LRRIQ3: variants seen among roughly 807,000 people sequenced by gnomAD.
The protein encoded by LRRIQ3 is leucine rich repeats and IQ motif containing 3, also known as leucine-rich repeat and IQ domain-containing protein 3.
A neutral mutation model predicts 59.3 loss-of-function variants in LRRIQ3; 75 were observed. The observed-to-expected ratio is 1.26, with a 90% confidence interval of 1.05 to 1.53. The LOEUF (loss-of-function observed/expected upper bound fraction) is 1.53. Ranked by LOEUF, LRRIQ3 falls within the 40% of genes most tolerant of loss-of-function variation. The pLI is 0.00. For missense variants in LRRIQ3, 831 were observed against 710.0 expected, an observed-to-expected ratio of 1.17 and a Z score of -1.94; for synonymous variants, 250 against 231.3, an observed-to-expected ratio of 1.08 and a Z score of -0.73.
At chr1:74,109,951 A>C in intron 4 of LRRIQ3, among the ~76,000 whole-genome samples, 1 of 151,924 alleles carries the variant, frequency 6.6e-6, no homozygotes, top group East Asian at 1.9e-4. Context: ...ACTATATCAC[A>C]AAAATTATAT....
At chr1:74,054,781 TATAA>T (rs1224102971) in intron 6 of LRRIQ3, among the ~76,000 whole-genome samples, 2 of 147,490 alleles carry the variant, frequency 1.4e-5, no homozygotes, top group Non-Finnish European at 1.5e-5. Context: ...TACACATACA[TATAA>T]ATACACACAT....
chr1:74,183,819 A>C (rs1286838984), intron 1 of LRRIQ3, 135 bp from the exon 2 acceptor site: 2 of 671,282 alleles, frequency 3.0e-6, no homozygotes, highest in Non-Finnish European at 4.5e-6. Context: ...ACTCATTCTT[A>C]TAGAACTTTC....
intron 5 of LRRIQ3, among the ~76,000 whole-genome samples, chr1:74,089,751 T>A (rs1465763177): frequency 1.3e-5 from 2 of 152,078 alleles, no homozygotes; most frequent in African/African-American, 2.4e-5. Flanking sequence ...TAATTAGTGA[T>A]GATCGTTTCA....
chr1:74,170,450 C>T (rs1209827439), intron 3 of LRRIQ3, among the ~76,000 whole-genome samples: 4 of 152,070 alleles, frequency 2.6e-5, no homozygotes, highest in Admixed American at 1.3e-4. Context: ...ATTCTTGGCA[C>T]CCTTGCTGAA....
rs1304729798 is a variant in LRRIQ3 at position 74,065,974 on chromosome 1, G to C, written c.997+8687C>G. On this transcript the variant is annotated intron_variant, in intron 6 of 7. Coordinates refer to ENST00000354431, the MANE Select transcript of LRRIQ3 (RefSeq NM_001105659.2). ...GGCCGAGGTGAGTGAATCACCCGAG[G>C]TGAGGAGTTTGAGACCAACCTGACC... Among the ~76,000 whole-genome samples the C allele has an allele frequency of 4.6e-5, 7 of 152,080 alleles. No individual in the cohort carries two copies. The South Asian group carries it at 1.5e-3, about 32-fold the overall frequency.
At chr1:74,050,335 T>C (rs1033217636) in intron 6 of LRRIQ3, among the ~76,000 whole-genome samples, 13 of 152,296 alleles carry the variant, frequency 8.5e-5, no homozygotes, top group South Asian at 8.3e-4. Flanking sequence ...AAATGGCTTG[T>C]TTTAGATATA....
chr1:74,045,963 C>A (rs1654190540), intron 6 of LRRIQ3, among the ~76,000 whole-genome samples: 1 of 152,040 alleles, frequency 6.6e-6, no homozygotes, highest in East Asian at 1.9e-4. Context: ...AGAGAGGACA[C>A]AAACAAACGG....
intron 4 of LRRIQ3, among the ~76,000 whole-genome samples, chr1:74,136,056 A>G (rs1369819697): frequency 6.6e-6 from 1 of 151,964 alleles, no homozygotes; most frequent in Non-Finnish European, 1.5e-5. Context: ...CCACATTACT[A>G]ATGACCTTAC....
intron 7 of LRRIQ3, among the ~76,000 whole-genome samples, chr1:74,028,265 G>A (rs1165681991): frequency 6.6e-6 from 1 of 151,852 alleles, no homozygotes; most frequent in Non-Finnish European, 1.5e-5. Flanking sequence ...AAGTTGAGGA[G>A]AAAAAGAGAG....
chr1:74,118,119 CT>C (rs559909122), intron 4 of LRRIQ3, among the ~76,000 whole-genome samples: 11 of 151,956 alleles, frequency 7.2e-5, no homozygotes, highest in East Asian at 3.9e-4. Context: ...ATAACATACC[CT>C]TTTTTGTAAA....
chr1:74,180,780 A>G (rs1649929227), intron 3 of LRRIQ3: 2 of 1,550,126 alleles, frequency 1.3e-6, no homozygotes, highest in African/African-American at 1.4e-5. Context: ...CTCCTGTAAA[A>G]TAAGACTAAC....
chr1:74,063,509 C>A (rs1408989636), intron 6 of LRRIQ3, among the ~76,000 whole-genome samples: 3 of 152,008 alleles, frequency 2.0e-5, no homozygotes, highest in Non-Finnish European at 4.4e-5. Context: ...CTTATTGTTG[C>A]ATTGTCTATT....
At chr1:74,042,349 G>T (rs766129587) in intron 6 of LRRIQ3, among the ~76,000 whole-genome samples, 1 of 152,058 alleles carries the variant, frequency 6.6e-6, no homozygotes, top group Non-Finnish European at 1.5e-5. Context: ...AAAACTCTGC[G>T]TAATAAATGA....
At chr1:74,086,914 A>T (rs17094861) in intron 5 of LRRIQ3, among the ~76,000 whole-genome samples, 5,093 of 152,154 alleles carry the variant, frequency 0.033, 305 homozygotes, top group African/African-American at 0.12. Context: ...TTTCTACACT[A>T]TCTTGTCATC....
At position 74,139,001 on chromosome 1, in the gene LRRIQ3, C is replaced by T. The variant is rs574449942; in HGVS notation, c.707+16732G>A. ...CCAGACCGAACAACATAACAAGACC[C>T]TGTCTCTACAAAAAATAAAGAAATA... On this transcript the variant is annotated intron_variant, in intron 4 of 7. Coordinates refer to ENST00000354431, the MANE Select transcript of LRRIQ3 (RefSeq NM_001105659.2). Among the ~76,000 whole-genome samples the T allele has an allele frequency of 6.6e-5, 10 of 151,168 alleles. No homozygotes were observed. The East Asian group carries it at 2.0e-3, about 30-fold the overall frequency.
chr1:74,133,856 A>T (rs1235838605), intron 4 of LRRIQ3, among the ~76,000 whole-genome samples: 1 of 151,962 alleles, frequency 6.6e-6, no homozygotes, highest in African/African-American at 2.4e-5. Flanking sequence ...AACTTAAAGT[A>T]TAATAATAAA....
intron 6 of LRRIQ3, among the ~76,000 whole-genome samples, chr1:74,047,708 A>G (rs1175912931): frequency 1.3e-5 from 2 of 151,998 alleles, no homozygotes; most frequent in Non-Finnish European, 2.9e-5. Flanking sequence ...ACAGACACCA[A>G]ATTTGTTGGT....
At chr1:74,080,168 C>G (rs1025874920) in intron 5 of LRRIQ3, among the ~76,000 whole-genome samples, 1 of 150,248 alleles carries the variant, frequency 6.7e-6, no homozygotes, top group East Asian at 1.9e-4. Context: ...ATATCACACA[C>G]AAAAAAAACC....
intron 5 of LRRIQ3, among the ~76,000 whole-genome samples, chr1:74,100,076 G>C (rs1646508228): frequency 6.6e-6 from 1 of 152,112 alleles, no homozygotes; most frequent in Non-Finnish European, 1.5e-5. Context: ...GCAGGAGAAA[G>C]AAATAAAGGG....
Sources: allele counts gnomAD v4.1 joint callset (sites outside exome capture counted in the v4.1 genomes callset), GRCh38; gene constraint gnomAD v4.1.1; transcripts MANE v1.5; gene names NCBI Gene and HGNC (gene_info 2026-07-23, HGNC 2026-07-21).